The following TTLL11 variants were observed in gnomAD, a reference collection of about 807,000 sequenced individuals.
TTLL11 encodes the protein tubulin tyrosine ligase like 11.
A neutral mutation model predicts 51.7 loss-of-function variants in TTLL11; 42 were observed. The observed-to-expected ratio is 0.81, with a 90% confidence interval of 0.64 to 1.05. TTLL11 has a LOEUF of 1.05. Among genes scored for constraint, TTLL11 ranks in the 50% least tolerant of loss-of-function variants. The probability of loss-of-function intolerance (pLI) is 0.00; values close to 1 mark genes in which losing one functional copy is unlikely to be tolerated. For missense variants in TTLL11, 799 were observed against 940.4 expected (o/e 0.85, Z 1.97); for synonymous variants, 381 against 383.5 (o/e 0.99, Z 0.08).
At chr9:121,876,414 C>A (rs80080714) in intron 6 of TTLL11, among the ~76,000 whole-genome samples, 1 of 152,124 alleles carries the variant, frequency 6.6e-6, no homozygotes, top group Non-Finnish European at 1.5e-5. Context: ...CCAGGGGCCT[C>A]GGATACAAGA....
intron 1 of TTLL11, chr9:122,040,434 C>T: frequency 1.0e-6 from 1 of 984,348 alleles, no homozygotes; most frequent in Non-Finnish European, 1.2e-6. Context: ...TATCAACAAG[C>T]TCTGCATTTA....
chr9:122,021,516 G>A (rs1844179689), intron 3 of TTLL11, among the ~76,000 whole-genome samples: 1 of 152,168 alleles, frequency 6.6e-6, no homozygotes, highest in Non-Finnish European at 1.5e-5. Flanking sequence ...AGAGCCAGGA[G>A]TAGTGTCTTT....
intron 6 of TTLL11, among the ~76,000 whole-genome samples, chr9:121,952,444 CAAAA>C (rs67882979): frequency 1.1e-4 from 13 of 121,938 alleles, no homozygotes; most frequent in Non-Finnish European, 1.2e-4. Flanking sequence ...GACTCCGCCT[CAAAA>C]AAAAAAAAAA....
chr9:122,000,247 G>A (rs113744090), intron 3 of TTLL11, among the ~76,000 whole-genome samples: 10,850 of 152,006 alleles, frequency 0.071, 773 homozygotes, highest in African/African-American at 0.16. Flanking sequence ...CGAGGCAGGC[G>A]GATCACGAGG....
At chr9:121,983,055 T>G (rs997652225) in intron 4 of TTLL11, among the ~76,000 whole-genome samples, 1 of 152,170 alleles carries the variant, frequency 6.6e-6, no homozygotes, top group Non-Finnish European at 1.5e-5. Context: ...GCCATTCAAG[T>G]GCGAGGTGAT....
At chr9:121,886,789 G>A (rs1839028055) in intron 6 of TTLL11, among the ~76,000 whole-genome samples, 1 of 152,174 alleles carries the variant, frequency 6.6e-6, no homozygotes, top group Non-Finnish European at 1.5e-5. Context: ...GCCCTCAATA[G>A]ATGCTAGCTG....
intron 1 of TTLL11, among the ~76,000 whole-genome samples, chr9:122,064,843 G>A (rs1423142530): frequency 6.6e-6 from 1 of 152,182 alleles, no homozygotes; most frequent in African/African-American, 2.4e-5. Context: ...ATGGCACACA[G>A]AGGTCTTAAG....
chr9:122,070,968 C>T (rs1845710873), intron 1 of TTLL11, among the ~76,000 whole-genome samples: 1 of 152,146 alleles, frequency 6.6e-6, no homozygotes, highest in Non-Finnish European at 1.5e-5. Flanking sequence ...ACCGTGTGAT[C>T]AGAGACCAAG....
At chr9:121,868,876 A>G (rs1838257414) in intron 7 of TTLL11, among the ~76,000 whole-genome samples, 1 of 152,188 alleles carries the variant, frequency 6.6e-6, no homozygotes, top group South Asian at 2.1e-4. Flanking sequence ...TAATAACCAC[A>G]AGACTCCCAC....
At chr9:121,927,165 G>C (rs1840766710) in intron 6 of TTLL11, among the ~76,000 whole-genome samples, 1 of 152,106 alleles carries the variant, frequency 6.6e-6, no homozygotes, top group African/African-American at 2.4e-5. Context: ...GCATAGCGTT[G>C]CTTCATGTCT....
intron 8 of TTLL11, among the ~76,000 whole-genome samples, chr9:121,857,585 G>A (rs533795362): frequency 2.0e-5 from 3 of 152,208 alleles, no homozygotes; most frequent in African/African-American, 7.2e-5. Context: ...ATTCCACCTG[G>A]TGATGACTAT....
At chr9:122,048,171 A>T (rs529660298) in intron 1 of TTLL11, among the ~76,000 whole-genome samples, 340 of 151,214 alleles carry the variant, frequency 2.2e-3, no homozygotes, top group Non-Finnish European at 3.7e-3. Context: ...TTTTATTTTT[A>T]TTTTTATTTT....
In TTLL11 at chr9:121,882,129, A is replaced by G. The variant is rs534216603; in HGVS notation, c.1482-11381T>C. On this transcript the variant is annotated intron_variant, in intron 6 of 8. Coordinates refer to ENST00000321582, the MANE Select transcript of TTLL11 (RefSeq NM_001139442.2). The stretch of plus-strand genomic sequence containing the variant: ...GTTAGCTGCTGTGACTGAACAAACA[A>G]AGCTAAGCTCAGGTTAAACACAACA... Among the ~76,000 whole-genome samples, 10 of 152,300 alleles carry G rather than the reference A, an allele frequency of 6.6e-5. No individual in the cohort carries two copies. In the South Asian group the frequency reaches 1.5e-3, roughly 22 times the overall value.
At chr9:122,078,149 T>A (rs934094403) in intron 1 of TTLL11, among the ~76,000 whole-genome samples, 19 of 151,614 alleles carry the variant, frequency 1.3e-4, no homozygotes, top group Admixed American at 6.6e-4. Flanking sequence ...AACTTAATAT[T>A]GGAAAAAGAA....
At position 121,818,362 on chromosome 9, in the gene TTLL11, A is replaced by C. The variant is rs1011650188; in HGVS notation, c.*4225T>G. The C allele has an allele frequency of 6.6e-6, 1 of 152,254 alleles. No individual in the cohort carries two copies. The highest frequency in any genetic ancestry group is 2.4e-5 in the African/African-American group (1 of 41,450). 9.4% of individuals were successfully genotyped at this position (152,254 alleles called of 1,614,324 possible). A position where few individuals can be genotyped will look rare whatever the true frequency, so the allele number is the denominator to read the frequency against. ...TCAGCGGATCGGCTTGGCAAGGTTT[A>C]GAAATCTGTGCTTCTTAAAGGCACC... is the stretch of plus-strand genomic sequence containing the variant. On this transcript the variant is annotated 3_prime_UTR_variant, in exon 9 of 9. Transcript: ENST00000321582.
intron 3 of TTLL11, among the ~76,000 whole-genome samples, chr9:122,008,795 G>A (rs1843723164): frequency 6.6e-6 from 1 of 152,250 alleles, no homozygotes; most frequent in Admixed American, 6.5e-5. Flanking sequence ...GAATCAACCT[G>A]TGTCCGTCGC....
chr9:121,931,884 A>G (rs1211012838), intron 6 of TTLL11, among the ~76,000 whole-genome samples: 1 of 152,126 alleles, frequency 6.6e-6, no homozygotes, highest in African/African-American at 2.4e-5. Context: ...GCCTTTCTCA[A>G]TGATGTCAGC....
intron 3 of TTLL11, among the ~76,000 whole-genome samples, chr9:122,017,526 G>C (rs957000626): frequency 6.7e-6 from 1 of 148,716 alleles, no homozygotes; most frequent in Admixed American, 6.7e-5. Flanking sequence ...GCAGAGGTGC[G>C]ATCTTGGCTC....
At position 121,898,082 on chromosome 9, in the gene TTLL11, C is replaced by CTTGT. The variant is rs539775990; in HGVS notation, c.1482-27338_1482-27335dup. On this transcript the variant is annotated intron_variant, in intron 6 of 8. Coordinates refer to ENST00000321582, the MANE Select transcript of TTLL11 (RefSeq NM_001139442.2). The stretch of plus-strand genomic sequence containing the variant: ...TACAGGCACCTGCCACCACACCTGG[C>CTTGT]TTGTTTGTTTGTTTAAGTAGAGACA... Among the ~76,000 whole-genome samples, 693 of 152,174 alleles carry CTTGT rather than the reference C, an allele frequency of 4.6e-3. 10 individuals carry two copies. Among genetic ancestry groups the CTTGT allele is most frequent in the African/African-American group, 0.016 (658 of 41,498 alleles).
Sources: allele counts gnomAD v4.1 joint callset (sites outside exome capture counted in the v4.1 genomes callset), GRCh38; gene constraint gnomAD v4.1.1; transcripts MANE v1.5; gene names NCBI Gene and HGNC (gene_info 2026-07-23, HGNC 2026-07-21).